Variants in ESRRG observed in about 807,000 individuals in gnomAD.
The protein encoded by ESRRG is estrogen related receptor gamma.
In ESRRG, 13 loss-of-function variants were observed where a neutral mutation model predicts 44.0. That is an observed-to-expected ratio of 0.30 (90% CI 0.19 to 0.47). ESRRG has a LOEUF of 0.47. Among genes scored for constraint, ESRRG ranks in the 20% least tolerant of loss-of-function variants. The probability of loss-of-function intolerance (pLI) is 1.00; values close to 1 mark genes in which losing one functional copy is unlikely to be tolerated. For missense variants in ESRRG, 395 were observed against 580.6 expected, an observed-to-expected ratio of 0.68 and a Z score of 3.29; for synonymous variants, 215 against 214.6, an observed-to-expected ratio of 1.00 and a Z score of -0.02.
At chr1:216,640,127 A>T (rs917518463) in intron 3 of ESRRG, among the ~76,000 whole-genome samples, 1 of 152,170 alleles carries the variant, frequency 6.6e-6, no homozygotes, top group Non-Finnish European at 1.5e-5. Flanking sequence ...CTACTTGGGT[A>T]AGGCTGAGTG....
intron 2 of ESRRG, among the ~76,000 whole-genome samples, chr1:216,825,651 A>G (rs1441883543): frequency 6.6e-6 from 1 of 152,194 alleles, no homozygotes; most frequent in Non-Finnish European, 1.5e-5. Flanking sequence ...TTTGATTCCT[A>G]TGGATGCTAG....
At chr1:216,646,410 T>C (rs993138231) in intron 3 of ESRRG, among the ~76,000 whole-genome samples, 2 of 152,146 alleles carry the variant, frequency 1.3e-5, no homozygotes, top group Non-Finnish European at 2.9e-5. Context: ...AATCTCTTGG[T>C]CTTCACAAAA....
chr1:216,521,251 C>A (rs913215519), intron 5 of ESRRG, among the ~76,000 whole-genome samples: 11 of 152,100 alleles, frequency 7.2e-5, no homozygotes, highest in African/African-American at 2.4e-4. Context: ...CGGTTCAACA[C>A]AGAAAACTAA....
chr1:216,877,383 TTTTTTGTTTG>T lies in ESRRG; in HGVS notation c.-14+62189_-14+62198del, dbSNP rs766661330. 8.5e-3 allele frequency among the ~76,000 whole-genome samples: 1,216 copies of T among 142,938 alleles called. 25 individuals are homozygous for T. The highest frequency in any genetic ancestry group is 0.028 in the African/African-American group (1,135 of 39,954). 93.8% of individuals were successfully genotyped at this position (142,938 alleles called of 152,430 possible). A position where few individuals can be genotyped will look rare whatever the true frequency, so the allele number is the denominator to read the frequency against. ...ATGCTTTTTTATAGGTATGGTGTTT[TTTTTTGTTTG>T]TTTGTTTGTTTGTTTGTTTGTTTGT... On this transcript the variant is annotated intron_variant, in intron 2 of 7. Coordinates refer to the ESRRG transcript ENST00000359162.
At chr1:216,932,851 A>G (rs2063568318) in intron 2 of ESRRG, among the ~76,000 whole-genome samples, 1 of 150,378 alleles carries the variant, frequency 6.6e-6, no homozygotes, top group Non-Finnish European at 1.5e-5. Context: ...TACAGGAATG[A>G]GCCACCATGT....
At chr1:217,078,050 C>T (rs764208164) in intron 1 of ESRRG, 1 of 152,196 alleles carries the variant, frequency 6.6e-6, no homozygotes, top group Admixed American at 6.5e-5. Flanking sequence ...TCGGAAAAAT[C>T]CCTCCTGCAC....
chr1:216,817,423 G>C (rs890375265), intron 2 of ESRRG, among the ~76,000 whole-genome samples: 1 of 152,072 alleles, frequency 6.6e-6, no homozygotes, highest in Non-Finnish European at 1.5e-5. Flanking sequence ...CATATCTTTC[G>C]GAATTGTAAA....
rs2040757986 is a variant in ESRRG at position 216,503,837 on chromosome 1, C to T, written c.*3102G>A. The T allele has an allele frequency of 6.6e-6, 1 of 152,386 alleles. No homozygotes were observed. The highest frequency in any genetic ancestry group is 1.5e-5 in the Non-Finnish European group (1 of 67,966). 9.4% of individuals were successfully genotyped at this position (152,386 alleles called of 1,614,324 possible). On this transcript the variant is annotated 3_prime_UTR_variant, in exon 7 of 7. Coordinates refer to ENST00000408911, the MANE Select transcript of ESRRG (RefSeq NM_001438.4). ...TCATATTGCTTTAAATAAGAACGAA[C>T]CTAAAAGAAGCAAAATTAAAATTAA...
At chr1:216,571,938 G>T (rs184974836) in intron 3 of ESRRG, among the ~76,000 whole-genome samples, 7 of 152,176 alleles carry the variant, frequency 4.6e-5, no homozygotes, top group Non-Finnish European at 8.8e-5. Flanking sequence ...GCGATTAATG[G>T]TAAAAATTTC....
Position 216,899,750 on chromosome 1 carries a change from G to A in ESRRG, c.-14+39832C>T, listed in dbSNP as rs561309341. Among the ~76,000 whole-genome samples the A allele has an allele frequency of 1.5e-4, 23 of 152,300 alleles. No homozygotes were observed. In the South Asian group the frequency reaches 4.8e-3, roughly 32 times the overall value. ...ATACTGGGATGATGCTAACATTGAT[G>A]TGCTTATGAGGGAAGACAGGGAATG... is the stretch of plus-strand genomic sequence containing the variant. On this transcript the variant is annotated intron_variant, in intron 2 of 7. Transcript: ENST00000359162.
At chr1:216,838,929 T>G (rs1321454925) in intron 2 of ESRRG, among the ~76,000 whole-genome samples, 1 of 151,882 alleles carries the variant, frequency 6.6e-6, no homozygotes, top group East Asian at 1.9e-4. Context: ...TTGATTAGAG[T>G]GGTGGTTGCT....
intron 1 of ESRRG, among the ~76,000 whole-genome samples, chr1:217,058,393 C>G (rs969170361): frequency 2.6e-5 from 4 of 151,980 alleles, no homozygotes; most frequent in Non-Finnish European, 5.9e-5. Context: ...TTCCATAAGT[C>G]CTTTCTGAGT....
chr1:216,636,674 A>T (rs570541570), intron 3 of ESRRG, among the ~76,000 whole-genome samples: 1 of 152,356 alleles, frequency 6.6e-6, no homozygotes, highest in East Asian at 1.9e-4. Flanking sequence ...CAAGTTAAGT[A>T]AGACAGGTGA....
chr1:216,676,088 G>A (rs905476503), intron 2 of ESRRG, among the ~76,000 whole-genome samples: 2 of 152,180 alleles, frequency 1.3e-5, no homozygotes, highest in African/African-American at 4.8e-5. Context: ...CCATTGGTGT[G>A]CTGTGGATCC....
At chr1:216,619,657 T>A (rs1221114926) in intron 3 of ESRRG, among the ~76,000 whole-genome samples, 1 of 152,224 alleles carries the variant, frequency 6.6e-6, no homozygotes, top group Non-Finnish European at 1.5e-5. Context: ...ATATGGGTCC[T>A]TTTCCTGAAG....
At chr1:216,702,734 G>A (rs1045391047) in intron 1 of ESRRG, among the ~76,000 whole-genome samples, 2 of 141,564 alleles carry the variant, frequency 1.4e-5, no homozygotes, top group South Asian at 2.2e-4. Flanking sequence ...CCGAGATCAC[G>A]CCACTGCACT....
chr1:217,085,964 C>T (rs2092063353), intron 1 of ESRRG, among the ~76,000 whole-genome samples: 1 of 152,196 alleles, frequency 6.6e-6, no homozygotes, highest in African/African-American at 2.4e-5. Flanking sequence ...TATGATTTCA[C>T]AGCTTTAACA....
intron 2 of ESRRG, among the ~76,000 whole-genome samples, chr1:216,741,422 T>C (rs2090707565): frequency 7.1e-5 from 10 of 140,186 alleles, no homozygotes; most frequent in South Asian, 2.3e-4. Flanking sequence ...TTTCTAACAC[T>C]CCCCCCCGCC....
chr1:216,957,347 A>G (rs966773578), intron 1 of ESRRG, among the ~76,000 whole-genome samples: 4 of 152,158 alleles, frequency 2.6e-5, no homozygotes, highest in African/African-American at 9.6e-5. Flanking sequence ...TCTCCTGTGA[A>G]CACCAGACTC....
Sources: allele counts gnomAD v4.1 joint callset (sites outside exome capture counted in the v4.1 genomes callset), GRCh38; gene constraint gnomAD v4.1.1; transcripts MANE v1.5; gene names NCBI Gene and HGNC (gene_info 2026-07-23, HGNC 2026-07-21).